The following DGKH variants were observed in gnomAD, a reference collection of about 807,000 sequenced individuals.
The protein encoded by DGKH is DAG kinase eta.
DGKH carries 90 observed loss-of-function variants against 159.3 expected under a neutral mutation model. That is an observed-to-expected ratio of 0.57 (90% confidence interval 0.48 to 0.67). DGKH has a LOEUF of 0.67. Ranked by LOEUF, DGKH falls within the 30% of genes least tolerant of loss-of-function variation. The pLI is 0.00. For missense variants in DGKH, 1,181 were observed against 1,506.1 expected (o/e 0.78, Z 3.57); for synonymous variants, 536 against 553.8 (o/e 0.97, Z 0.45).
rs1233702408 is a variant in DGKH, at chr13:42,239,675, CTAGTTT to C, written c.*10489_*10494del. ...TTTGTTTTTGGTTTTTTTCCAGCAA[CTAGTTT>C]TTCTACTTTCACTCTTTCCCACCAG... is the stretch of plus-strand genomic sequence containing the variant. On this transcript the variant is annotated 3_prime_UTR_variant, in exon 30 of 30. Coordinates refer to ENST00000337343, the MANE Select transcript of DGKH (RefSeq NM_178009.5). 9.9e-5 allele frequency: 15 copies of C among 152,284 alleles called. No homozygotes were observed. The highest frequency in any genetic ancestry group is 3.6e-4 in the African/African-American group (15 of 41,358). 9.4% of individuals were successfully genotyped at this position (152,284 alleles called of 1,614,324 possible). A position where few individuals can be genotyped will look rare whatever the true frequency, so the allele number is the denominator to read the frequency against.
intron 1 of DGKH, among the ~76,000 whole-genome samples, chr13:42,105,830 A>G (rs1954741539): frequency 6.6e-6 from 1 of 152,096 alleles, no homozygotes; most frequent in Non-Finnish European, 1.5e-5. Context: ...GCAAGCAGGC[A>G]TTTTTCTTTG....
rs768702781 is a variant in DGKH at position 42,168,463 on chromosome 13, A to G, written c.1142A>G (p.Asp381Gly). The G allele has an allele frequency of 3.0e-5, 48 of 1,613,978 alleles. No individual in the cohort carries two copies. Among genetic ancestry groups the G allele is most frequent in the Non-Finnish European group, 3.8e-5 (45 of 1,179,990 alleles). The change falls in exon 10 of 30, where the codon GAC (aspartate) becomes GGC (glycine). Residue 381 changes from aspartate (D) to glycine (G), a missense_variant. Asp to Gly is a moderately conservative substitution (Grantham distance 94). Transcript: ENST00000337343. ...AGTTTAAGATTATTTCAGAAGTTTG[A>G]CAATTTCCGGATTCTTGTTTGTGGA... ...HLGLRLFQKFDNFRILVCGGD... is the reference protein window; with the variant it reads ...HLGLRLFQKFGNFRILVCGGD...
chr13:42,120,134 G>A (rs756855119), intron 1 of DGKH, among the ~76,000 whole-genome samples: 1 of 152,190 alleles, frequency 6.6e-6, no homozygotes, highest in Non-Finnish European at 1.5e-5. Context: ...GGTTATTGAG[G>A]TGTGGGTGCT....
chr13:42,078,876 C>T (rs1236399495), intron 1 of DGKH, among the ~76,000 whole-genome samples: 1 of 148,888 alleles, frequency 6.7e-6, no homozygotes, highest in Non-Finnish European at 1.5e-5. Context: ...ATTTCAAATA[C>T]ATTACTTTCC....
Position 42,199,358 on chromosome 13 carries a change from C to G in DGKH, c.2286-208C>G, listed in dbSNP as rs144196397. Among the ~76,000 whole-genome samples, 139 of 152,282 alleles carry G rather than the reference C, an allele frequency of 9.1e-4. 2 individuals carry two copies. Among genetic ancestry groups the G allele is most frequent in the African/African-American group, 3.2e-3 (135 of 41,548 alleles). ...ACACCATAACTGTGTGTCTTACTCA[C>G]CATCCCTTTATGTCACATGTACCAG... On this transcript the variant is annotated intron_variant, in intron 18 of 29. Coordinates refer to ENST00000337343, the MANE Select transcript of DGKH (RefSeq NM_178009.5).
chr13:42,199,058 A>G (rs1297596017), intron 18 of DGKH, among the ~76,000 whole-genome samples: 1 of 152,168 alleles, frequency 6.6e-6, no homozygotes, highest in African/African-American at 2.4e-5. Context: ...TGCTTTTGTT[A>G]TATCATTTCT....
In DGKH at chr13:42,199,594, A is replaced by G; in HGVS notation, c.2314A>G (p.Asn772Asp). The G allele has an allele frequency of 6.2e-7, 1 of 1,602,426 alleles. No homozygotes were observed. The highest frequency in any genetic ancestry group is 8.5e-7 in the Non-Finnish European group (1 of 1,176,234). ...TGGATATTCAGAAAAATGTGTCATG[A>G]ACAATTACTTTGGGATTGGATTAGA... is the stretch of plus-strand genomic sequence containing the variant. The part of the protein sequence containing the change: ...VDGYSEKCVM[N>D]NYFGIGLDAK... Residue 772 changes from asparagine to aspartate, a missense_variant, in exon 19 of 30, where the codon AAC (asparagine) becomes GAC (aspartate). This residue lies in a region of DGKH where 335 missense variants were observed against 495.2 expected (regional missense o/e 0.68). Coordinates refer to ENST00000337343, the MANE Select transcript of DGKH (RefSeq NM_178009.5).
chr13:42,083,214 G>A (rs954699307), intron 1 of DGKH, among the ~76,000 whole-genome samples: 3 of 152,072 alleles, frequency 2.0e-5, no homozygotes, highest in African/African-American at 7.2e-5. Context: ...TGTGTGTGAA[G>A]CAAAAAACAA....
upstream of DGKH, among the ~76,000 whole-genome samples, chr13:42,045,651 AG>A (rs1880754972): frequency 6.6e-6 from 1 of 152,242 alleles, no homozygotes; most frequent in Admixed American, 6.5e-5. Flanking sequence ...GTTTTAATTA[AG>A]GCAGCTTCTC....
chr13:42,255,776 A>G, intron 30 of DGKH: 1 of 480,038 alleles, frequency 2.1e-6, no homozygotes. Flanking sequence ...AGAAAATATA[A>G]GGGAATATTT....
chr13:42,201,303 A>G (rs12583267), intron 20 of DGKH, among the ~76,000 whole-genome samples: 18,746 of 152,138 alleles, frequency 0.12, 1,678 homozygotes, highest in East Asian at 0.45. Flanking sequence ...GCCACACCCA[A>G]GGACACATAG....
In DGKH at chr13:42,197,267, A is replaced by AAAAAAG. The variant is rs922365530; in HGVS notation, c.2168-1208_2168-1207insAAGAAA. Among the ~76,000 whole-genome samples, 232 of 135,384 alleles carry AAAAAAG rather than the reference A, an allele frequency of 1.7e-3. 5 individuals are homozygous for AAAAAAG. Among genetic ancestry groups the AAAAAAG allele is most frequent in the African/African-American group, 5.4e-3 (214 of 39,760 alleles). The allele number at this position is 135,384 out of a possible 152,430, so 88.8% of individuals were successfully genotyped here. ...TCTATCTCAACAAAAAAAAAAAAAAAAAAGAAAGAAAATATTAACACTTCC... is the reference window on the plus strand; with the variant it reads ...TCTATCTCAACAAAAAAAAAAAAAAAAAAAAGAAAGAAAGAAAATATTAACACTTCC... On this transcript the variant is annotated intron_variant, in intron 17 of 29. Coordinates refer to ENST00000337343, the MANE Select transcript of DGKH (RefSeq NM_178009.5).
At chr13:42,060,952 A>G (rs185497958) in intron 1 of DGKH, among the ~76,000 whole-genome samples, 106 of 152,226 alleles carry the variant, frequency 7.0e-4, no homozygotes, top group Middle Eastern at 3.4e-3. Flanking sequence ...CCTGGGGTTC[A>G]TTGTCACACT....
At chr13:42,142,318 G>A (rs1955584237) in intron 3 of DGKH, among the ~76,000 whole-genome samples, 1 of 152,092 alleles carries the variant, frequency 6.6e-6, no homozygotes, top group Admixed American at 6.5e-5. Flanking sequence ...ATAGTTTGAA[G>A]TCAGGTAGCG....
chr13:42,048,007 C>T (rs1045145387), upstream of DGKH, among the ~76,000 whole-genome samples: 5 of 138,278 alleles, frequency 3.6e-5, no homozygotes, highest in Admixed American at 1.5e-4. The surrounding 1 kb of genome is among the most constrained non-coding windows in gnomAD (Gnocchi z 6.7). Context: ...TCTTCTCTTC[C>T]GTGTGCGCCG....
At chr13:42,134,072 C>T (rs1279828296) in intron 3 of DGKH, among the ~76,000 whole-genome samples, 1 of 152,092 alleles carries the variant, frequency 6.6e-6, no homozygotes, top group African/African-American at 2.4e-5. Context: ...TGACAAAGTA[C>T]AATAGTGGGT....
chr13:42,177,684 C>T (rs1261066171), intron 12 of DGKH, among the ~76,000 whole-genome samples: 1 of 152,116 alleles, frequency 6.6e-6, no homozygotes, highest in Admixed American at 6.6e-5. Flanking sequence ...TCATTTTAGC[C>T]ATTTTGGAGC....
rs530128818 is a variant in DGKH, at chr13:42,101,724, G to A, written c.193-25739G>A. Among the ~76,000 whole-genome samples, 88 of 152,166 alleles carry A rather than the reference G, an allele frequency of 5.8e-4. 2 individuals carry two copies. The South Asian group carries it at 0.016, about 28-fold the overall frequency. On this transcript the variant is annotated intron_variant, in intron 1 of 29. Coordinates refer to ENST00000337343, the MANE Select transcript of DGKH (RefSeq NM_178009.5). ...GACAGTGGCAAGAAAGAGGGACGGGGAACAGGTAACGTCCAAGTTAAAAGA... is the reference window on the plus strand; with the variant it reads ...GACAGTGGCAAGAAAGAGGGACGGGAAACAGGTAACGTCCAAGTTAAAAGA...
In DGKH at chr13:42,235,935, A is replaced by T. The variant is rs1958405086; in HGVS notation, c.*6747A>T. 1 of 152,070 alleles carries T rather than the reference A, an allele frequency of 6.6e-6. No homozygotes were observed. 9.4% of individuals were successfully genotyped at this position (152,070 alleles called of 1,614,324 possible). On this transcript the variant is annotated 3_prime_UTR_variant, in exon 30 of 30. Transcript: ENST00000337343. ...TTATTTTCATATTAAAATTTTTCTTATCTTTTTATATCAAAATAATTATGC... is the reference window on the plus strand; with the variant it reads ...TTATTTTCATATTAAAATTTTTCTTTTCTTTTTATATCAAAATAATTATGC...
Sources: allele counts gnomAD v4.1 joint callset (sites outside exome capture counted in the v4.1 genomes callset), GRCh38; gene constraint gnomAD v4.1.1; regional missense constraint gnomAD v4.1.1; non-coding constraint Gnocchi (gnomAD v3.1); transcripts MANE v1.5; gene names NCBI Gene and HGNC (gene_info 2026-07-23, HGNC 2026-07-21).